TTC27: variants seen among roughly 807,000 people sequenced by gnomAD.
TTC27 encodes tetratricopeptide repeat protein 27.
Under a neutral mutation model 115.9 loss-of-function variants are expected in TTC27, and 79 were observed. The ratio of observed to expected loss-of-function variants is 0.68; its 90% CI spans 0.57 to 0.82. The LOEUF is 0.82. Ranked by LOEUF, TTC27 falls within the 40% of genes least tolerant of loss-of-function variation. TTC27 has a pLI of 0.00. For synonymous variants in TTC27, 401 were observed against 356.0 expected, an observed-to-expected ratio of 1.13 and a Z score of -1.42; for missense variants, 1,054 against 993.1, an observed-to-expected ratio of 1.06 and a Z score of -0.82.
At chr2:32,766,140 A>G (rs1182350531) in intron 13 of TTC27, among the ~76,000 whole-genome samples, 2 of 152,170 alleles carry the variant, frequency 1.3e-5, no homozygotes, top group African/African-American at 4.8e-5. Context: ...TGCCTTTCTC[A>G]CTAAACTTAA....
rs752537797 is a variant in TTC27 at position 32,787,041 on chromosome 2, G to T, written c.1890G>T (p.Gln630His). 86 of 1,613,980 alleles carry T rather than the reference G, an allele frequency of 5.3e-5. No individual in the cohort carries two copies. The Middle Eastern group carries it at 2.5e-3, about 46-fold the overall frequency. Residue 630 changes from glutamine to histidine, a missense_variant, in exon 16 of 20, where the codon CAG becomes CAT. Gln to His is a conservative substitution (Grantham distance 24). Transcript: ENST00000317907. ...TCAAGTGTAACTATGAACACTGGCA[G>T]ATTTGGGAAAACTACATCCTCACCA... ...EALKCNYEHWQIWENYILTST... is the reference protein window; with the variant it reads ...EALKCNYEHWHIWENYILTST...
chr2:32,819,608 G>A (rs565143525), intron 19 of TTC27, among the ~76,000 whole-genome samples: 2 of 152,196 alleles, frequency 1.3e-5, no homozygotes, highest in African/African-American at 2.4e-5. Flanking sequence ...TTCTTGCCAG[G>A]CCAGGGACTT....
chr2:32,766,341 T>C (rs1669624673), intron 13 of TTC27: 1 of 205,470 alleles, frequency 4.9e-6, no homozygotes, highest in Non-Finnish European at 1.0e-5. Flanking sequence ...TCTTCTGTGA[T>C]CCACAGTCCC....
At chr2:32,674,173 CAG>C (rs1442467524) in intron 8 of TTC27, among the ~76,000 whole-genome samples, 2 of 147,112 alleles carry the variant, frequency 1.4e-5, no homozygotes, top group African/African-American at 5.0e-5. Context: ...TTTTTTGAGA[CAG>C]AGTCTTGCAC....
At chr2:32,774,062 GA>G (rs35516542) in intron 13 of TTC27, among the ~76,000 whole-genome samples, 2 of 151,920 alleles carry the variant, frequency 1.3e-5, no homozygotes, top group Non-Finnish European at 2.9e-5. Flanking sequence ...GACTTGGTGT[GA>G]AAAAGTGGAT....
chr2:32,725,972 A>C (rs955159412), intron 10 of TTC27, among the ~76,000 whole-genome samples: 1 of 152,188 alleles, frequency 6.6e-6, no homozygotes, highest in Non-Finnish European at 1.5e-5. Flanking sequence ...GCACCCTCTG[A>C]AGCCATGGTT....
At chr2:32,697,792 C>T (rs1667043439) in intron 9 of TTC27, among the ~76,000 whole-genome samples, 1 of 151,878 alleles carries the variant, frequency 6.6e-6, no homozygotes, top group African/African-American at 2.4e-5. Context: ...CACTCTGTCA[C>T]TCAGGCTGGA....
chr2:32,772,784 A>G (rs1261574684), intron 13 of TTC27, among the ~76,000 whole-genome samples: 1 of 152,176 alleles, frequency 6.6e-6, no homozygotes, highest in African/African-American at 2.4e-5. Context: ...TCTATTGTCA[A>G]TGTCCTTATT....
intron 16 of TTC27, among the ~76,000 whole-genome samples, chr2:32,799,857 A>C (rs143596724): frequency 6.6e-6 from 1 of 152,248 alleles, no homozygotes; most frequent in East Asian, 1.9e-4. Context: ...TAGCTAGCCA[A>C]ATGTTTAGGA....
intron 1 of TTC27, 96 bp downstream of exon 1, chr2:32,628,476 T>C (rs2063528708): frequency 1.6e-6 from 2 of 1,215,498 alleles, no homozygotes; most frequent in Admixed American, 3.1e-5. Context: ...CATTTTTCCC[T>C]AACACAGTCT....
At chr2:32,630,433 C>T in intron 1 of TTC27, 90 bp from the exon 2 acceptor site, 5 of 1,043,202 alleles carry the variant, frequency 4.8e-6, no homozygotes, top group Non-Finnish European at 6.8e-6. Flanking sequence ...TTTTTGCACA[C>T]TAAAATGGTA....
intron 14 of TTC27, among the ~76,000 whole-genome samples, chr2:32,780,852 T>G (rs1229967239): frequency 7.0e-5 from 2 of 28,540 alleles, no homozygotes; most frequent in African/African-American, 2.3e-4. Flanking sequence ...TAGTAGGTGT[T>G]TTTTTTTTTT....
At chr2:32,775,449 C>T (rs1669964935) in intron 13 of TTC27, among the ~76,000 whole-genome samples, 1 of 152,150 alleles carries the variant, frequency 6.6e-6, no homozygotes, top group African/African-American at 2.4e-5. Context: ...CCACCTGCCT[C>T]GGCCTCCCAA....
rs181017974 is a variant in TTC27, at chr2:32,648,767, T to G, written c.538-1364T>G. On this transcript the variant is annotated intron_variant, in intron 4 of 19. Transcript: ENST00000317907. ...GCCTCACATCTGTAATCCCAGCACTTTGGGAGGCCAAGGTGGGTGGATCAC... is the reference window on the plus strand; with the variant it reads ...GCCTCACATCTGTAATCCCAGCACTGTGGGAGGCCAAGGTGGGTGGATCAC... 1.2e-3 allele frequency among the ~76,000 whole-genome samples: 190 copies of G among 152,196 alleles called. 2 individuals carry two copies. The highest frequency in any genetic ancestry group is 4.4e-3 in the African/African-American group (184 of 41,552).
chr2:32,677,771 G>T (rs1666268125), intron 8 of TTC27, among the ~76,000 whole-genome samples: 1 of 152,142 alleles, frequency 6.6e-6, no homozygotes, highest in Admixed American at 6.5e-5. Flanking sequence ...TTTCTAAAAT[G>T]ATCCTACCAA....
rs557538212 is a variant in TTC27 at position 32,730,629 on chromosome 2, T to A, written c.1234-3199T>A. Among the ~76,000 whole-genome samples the A allele has an allele frequency of 1.9e-3, 281 of 151,854 alleles. 3 individuals carry two copies. Among genetic ancestry groups the A allele is most frequent in the East Asian group, 0.014 (71 of 5,172 alleles). The stretch of plus-strand genomic sequence containing the variant: ...CCTATCAAGACTTTCTTATTTTTTT[T>A]TTTTTTTTTCTTGAGACAGTCTCAC... On this transcript the variant is annotated intron_variant, in intron 10 of 19. Transcript: ENST00000317907.
intron 9 of TTC27, among the ~76,000 whole-genome samples, chr2:32,695,098 G>A (rs985982569): frequency 6.6e-5 from 10 of 152,122 alleles, no homozygotes; most frequent in African/African-American, 2.4e-4. Context: ...GTGGCATTAA[G>A]TACATTCACA....
chr2:32,793,373 A>G (rs745574279), intron 16 of TTC27, among the ~76,000 whole-genome samples: 9 of 152,236 alleles, frequency 5.9e-5, no homozygotes, highest in Non-Finnish European at 1.0e-4. Context: ...CATTACCACT[A>G]GAACTGCCCT....
At chr2:32,726,773 G>T (rs140511135) in intron 10 of TTC27, among the ~76,000 whole-genome samples, 1,743 of 152,282 alleles carry the variant, frequency 0.011, 39 homozygotes, top group African/African-American at 0.04. Context: ...TCATGCTGCT[G>T]ATAAAGACAT....
Sources: allele counts gnomAD v4.1 joint callset (sites outside exome capture counted in the v4.1 genomes callset), GRCh38; gene constraint gnomAD v4.1.1; transcripts MANE v1.5; gene names NCBI Gene and HGNC (gene_info 2026-07-23, HGNC 2026-07-21).